The following SPTBN2 variants were observed in gnomAD, a reference collection of about 807,000 sequenced individuals.
SPTBN2 encodes the protein spectrin beta, non-erythrocytic 2.
Under a neutral mutation model 284.2 loss-of-function variants are expected in SPTBN2, and 107 were observed. That is an observed-to-expected ratio of 0.38 (90% CI 0.32 to 0.44). The LOEUF is 0.44. Among genes scored for constraint, SPTBN2 ranks in the 20% least tolerant of loss-of-function variants. The probability of loss-of-function intolerance (pLI) is 1.00; values close to 1 mark genes in which losing one functional copy is unlikely to be tolerated. For missense variants in SPTBN2, 2,569 were observed against 3,287.1 expected, an observed-to-expected ratio of 0.78 and a Z score of 5.34; for synonymous variants, 1,289 against 1,354.8, an observed-to-expected ratio of 0.95 and a Z score of 1.07.
At position 66,704,799 on chromosome 11, in the gene SPTBN2, C is replaced by T. The variant is rs1205934871; in HGVS notation, c.2477G>A (p.Arg826Gln). 3.1e-6 allele frequency: 5 copies of T among 1,604,432 alleles called. No individual in the cohort carries two copies. The African/African-American group carries it at 4.0e-5, about 13-fold the overall frequency. Residue 826 changes from arginine (R) to glutamine (Q), a missense_variant, in exon 15 of 38, where the codon CGG becomes CAG. Physicochemically the swap from Arg to Gln is conservative, Grantham distance 43. Transcript: ENST00000533211. ...TLSRTPEVQSRVPTLERHYEE... is the reference protein window; with the variant it reads ...TLSRTPEVQSQVPTLERHYEE... Reference sequence around the variant, plus strand: ...GTAGTGCCGCTCCAGGGTGGGCACCCGGCTCTGCACCTCGGGCGTGCGGCT... The same window carrying T: ...GTAGTGCCGCTCCAGGGTGGGCACCTGGCTCTGCACCTCGGGCGTGCGGCT...
At chr11:66,702,144 G>A (rs1941279057) in intron 15 of SPTBN2, among the ~76,000 whole-genome samples, 1 of 152,216 alleles carries the variant, frequency 6.6e-6, no homozygotes, top group South Asian at 2.1e-4. Flanking sequence ...ATGAAAATGT[G>A]AAGGATAACT....
At chr11:66,694,015 G>T (rs1940744625) in intron 22 of SPTBN2, 124 bp downstream of exon 22, 2 of 1,360,176 alleles carry the variant, frequency 1.5e-6, no homozygotes, top group African/African-American at 1.4e-5. Flanking sequence ...CCCTATAGGG[G>T]AGATGGTCAA....
At chr11:66,717,786 T>C (rs1942213648) in intron 3 of SPTBN2, among the ~76,000 whole-genome samples, 1 of 152,070 alleles carries the variant, frequency 6.6e-6, no homozygotes, top group Non-Finnish European at 1.5e-5. Context: ...AGAAACCAAG[T>C]GTCACGTCAC....
rs1414534070 is a variant in SPTBN2 at position 66,708,306 on chromosome 11, G to A, written c.1192-7C>T. 3 of 1,583,424 alleles carry A rather than the reference G, an allele frequency of 1.9e-6. No individual in the cohort carries two copies. The highest frequency in any genetic ancestry group is 2.6e-6 in the Non-Finnish European group (3 of 1,161,058). The stretch of plus-strand genomic sequence containing the variant: ...TCTCCAGCCGCTCCCAAGCCTATGG[G>A]GTGGGGACAGGGTTAGTGGAAGGGA... On this transcript the variant is annotated splice_polypyrimidine_tract_variant and splice_region_variant and intron_variant, in intron 11 of 37. Transcript: ENST00000533211. This position sits in a 1 kb window ranked among gnomAD's most constrained non-coding sequence, Gnocchi z 4.4.
Position 66,687,240 on chromosome 11 carries a change from G to A in SPTBN2, c.6723-73C>T. 1.3e-6 allele frequency: 2 copies of A among 1,596,408 alleles called. No individual in the cohort carries two copies. The highest frequency in any genetic ancestry group is 1.7e-6 in the Non-Finnish European group (2 of 1,174,780). Reference sequence around the variant, plus strand: ...CCTGGAGCCCTCTTGGGTGTCCTAGGACTTCCAGTTCTGCTCCCATCTTTA... The same window carrying A: ...CCTGGAGCCCTCTTGGGTGTCCTAGAACTTCCAGTTCTGCTCCCATCTTTA... On this transcript the variant is annotated intron_variant, in intron 35 of 37. Coordinates refer to ENST00000533211, the MANE Select transcript of SPTBN2 (RefSeq NM_006946.4). This position sits in a 1 kb window ranked among gnomAD's most constrained non-coding sequence, Gnocchi z 5.2.
At chr11:66,728,334 G>C (rs1219947356) in intron 1 of SPTBN2, 1 of 145,504 alleles carries the variant, frequency 6.9e-6, no homozygotes, top group Non-Finnish European at 1.5e-5. Flanking sequence ...CGCGCGGGGC[G>C]GGCGGCGGCG....
intron 6 of SPTBN2, 46 bp from the exon 7 acceptor site, chr11:66,714,217 T>A (rs1942029679): frequency 6.2e-7 from 1 of 1,610,432 alleles, no homozygotes; most frequent in African/African-American, 1.3e-5. Flanking sequence ...TGAGCTCTGT[T>A]CTATGACTCC....
chr11:66,697,837 C>T (rs753096158), intron 20 of SPTBN2, among the ~76,000 whole-genome samples: 5 of 152,266 alleles, frequency 3.3e-5, no homozygotes, highest in Middle Eastern at 3.4e-3. Context: ...TCGGACCCCA[C>T]GCAGGGCCTA....
upstream of SPTBN2, among the ~76,000 whole-genome samples, chr11:66,732,758 G>A (rs189923541): frequency 0.012 from 1,781 of 151,310 alleles, 32 homozygotes; most frequent in Middle Eastern, 0.031. Context: ...CTGAGGTCAG[G>A]AGTTCGAGAC....
chr11:66,708,685 G>A lies in SPTBN2; in HGVS notation c.1191+217C>T, dbSNP rs1422505307. 1.3e-5 allele frequency among the ~76,000 whole-genome samples: 2 copies of A among 152,216 alleles called. No individual in the cohort carries two copies. The highest frequency in any genetic ancestry group is 2.9e-5 in the Non-Finnish European group (2 of 68,032). ...ATTTCCTTATGTGACCTCGTATGGA[G>A]AGTCAGACAAAGGGACAGGGAGCCG... On this transcript the variant is annotated intron_variant, in intron 11 of 37. Transcript: ENST00000533211. This position sits in a 1 kb window ranked among gnomAD's most constrained non-coding sequence, Gnocchi z 4.4.
At chr11:66,731,186 G>A (rs997088462), upstream of SPTBN2, among the ~76,000 whole-genome samples, 8 of 152,248 alleles carry the variant, frequency 5.3e-5, no homozygotes, top group African/African-American at 1.2e-4. Flanking sequence ...TGATTTTACC[G>A]TATTATTTCC....
In SPTBN2 at chr11:66,690,246, T is replaced by C; in HGVS notation, c.5603A>G (p.Lys1868Arg). The C allele has an allele frequency of 6.2e-7, 1 of 1,612,258 alleles. No homozygotes were observed. The highest frequency in any genetic ancestry group is 8.5e-7 in the Non-Finnish European group (1 of 1,179,068). Residue 1868 changes from lysine (K) to arginine (R), a missense_variant, in exon 28 of 38, where the codon AAG becomes AGG. Lys to Arg is a conservative substitution (Grantham distance 26). Transcript: ENST00000533211. ...QVQDDGHRLQ[K>R]AYAGDKAEEI... Reference sequence around the variant, plus strand: ...CTCAGCCTTGTCTCCAGCGTAGGCCTTCTGGAGCCGGTGGCCGTCGTCCTG... The same window carrying C: ...CTCAGCCTTGTCTCCAGCGTAGGCCCTCTGGAGCCGGTGGCCGTCGTCCTG...
chr11:66,706,573 C>A lies in SPTBN2; in HGVS notation c.1654-736G>T, dbSNP rs544395563. Among the ~76,000 whole-genome samples, 12 of 140,910 alleles carry A rather than the reference C, an allele frequency of 8.5e-5. 1 individual carries two copies. The South Asian group carries it at 2.0e-3, about 24-fold the overall frequency. The allele number at this position is 140,910 out of a possible 152,430, so 92.4% of individuals were successfully genotyped here. A position where few individuals can be genotyped will look rare whatever the true frequency, so the allele number is the denominator to read the frequency against. On this transcript the variant is annotated intron_variant, in intron 13 of 37. Transcript: ENST00000533211. ...CTTGGACTCCTGACCTCAGGTGATC[C>A]GCCCGCCTCGGCCTCCCAAAGTCTT...
chr11:66,701,738 G>C lies in SPTBN2; in HGVS notation c.2679-17C>G. 1 of 1,614,046 alleles carries C rather than the reference G, an allele frequency of 6.2e-7. No individual in the cohort carries two copies. Among genetic ancestry groups the C allele is most frequent in the South Asian group, 1.1e-5 (1 of 91,062 alleles). On this transcript the variant is annotated splice_polypyrimidine_tract_variant and intron_variant, in intron 15 of 37. Coordinates refer to ENST00000533211, the MANE Select transcript of SPTBN2 (RefSeq NM_006946.4). ...GTCTCGAACCTGAGAGGGTGGAAGAGCCAGGCGTGAATTGTGGGAGGCAGC... is the reference window on the plus strand; with the variant it reads ...GTCTCGAACCTGAGAGGGTGGAAGACCCAGGCGTGAATTGTGGGAGGCAGC...
upstream of SPTBN2, among the ~76,000 whole-genome samples, chr11:66,730,413 C>T (rs1212795911): frequency 3.3e-5 from 5 of 152,128 alleles, no homozygotes; most frequent in South Asian, 2.1e-4. Flanking sequence ...GAAACCCCTT[C>T]TCTACTAAAA....
chr11:66,704,750 G>A lies in SPTBN2; in HGVS notation c.2526C>T (p.Gly842=), dbSNP rs144939155. The change falls in exon 15 of 38, where the codon GGC becomes GGT. Residue 842 remains glycine, a synonymous_variant. Transcript: ENST00000533211. ...CTGCCTCCAAGGCCCGCGCTCGCTC[G>A]CCTGCCCGGGCCTGCAGCTCCTCGT... ...RHYEELQARA[G]ERARALEAAL... The A allele has an allele frequency of 2.3e-3, 3,638 of 1,602,434 alleles. 10 individuals carry two copies. Among genetic ancestry groups the A allele is most frequent in the Non-Finnish European group, 2.5e-3 (2,940 of 1,176,402 alleles).
In SPTBN2 at chr11:66,700,658, C is replaced by T. The variant is rs1434704342; in HGVS notation, c.3441G>A (p.Leu1147=). Reference sequence around the variant, plus strand: ...CCTCCCAGCCAGTTCCCAGGGCCTCCAGTCGCTGTCGTAGGAAGAGGCACT... The same window carrying T: ...CCTCCCAGCCAGTTCCCAGGGCCTCTAGTCGCTGTCGTAGGAAGAGGCACT... ...DPQCLFLRQR[L]EALGTGWEEL... is the part of the protein sequence containing the mutation. The change falls in exon 17 of 38, where the codon CTG becomes CTA. Residue 1147 remains leucine (L), a synonymous_variant. Coordinates refer to ENST00000533211, the MANE Select transcript of SPTBN2 (RefSeq NM_006946.4). The surrounding 1 kb of genome is among the most constrained non-coding windows in gnomAD (Gnocchi z 6.6). 6.2e-7 allele frequency: 1 copy of T among 1,607,640 alleles called. No individual in the cohort carries two copies. Among genetic ancestry groups the T allele is most frequent in the Non-Finnish European group, 8.5e-7 (1 of 1,179,934 alleles).
At chr11:66,727,111 C>T (rs1157288410) in intron 1 of SPTBN2, among the ~76,000 whole-genome samples, 1 of 152,196 alleles carries the variant, frequency 6.6e-6, no homozygotes, top group African/African-American at 2.4e-5. Context: ...TCTCCCTTCC[C>T]CAACCCGGGG....
In SPTBN2 at chr11:66,710,718, G is replaced by A; in HGVS notation, c.937C>T (p.Leu313=). 6.2e-7 allele frequency: 1 copy of A among 1,614,178 alleles called. No individual in the cohort carries two copies. Among genetic ancestry groups the A allele is most frequent in the Non-Finnish European group, 8.5e-7 (1 of 1,180,028 alleles). The change falls in exon 10 of 38, where the codon CTG becomes TTG. Residue 313 remains leucine (L), a synonymous_variant. Coordinates refer to ENST00000533211, the MANE Select transcript of SPTBN2 (RefSeq NM_006946.4). This position sits in a 1 kb window ranked among gnomAD's most constrained non-coding sequence, Gnocchi z 4.9. ...AERLVEKYES[L]ASELLQWIEQ... ...ATCCACTGCAGCAGCTCCGAGGCCAGGGACTCGTATTTCTCCACCAGGCGC... is the reference window on the plus strand; with the variant it reads ...ATCCACTGCAGCAGCTCCGAGGCCAAGGACTCGTATTTCTCCACCAGGCGC...
Sources: allele counts gnomAD v4.1 joint callset (sites outside exome capture counted in the v4.1 genomes callset), GRCh38; gene constraint gnomAD v4.1.1; non-coding constraint Gnocchi (gnomAD v3.1); transcripts MANE v1.5; gene names NCBI Gene and HGNC (gene_info 2026-07-23, HGNC 2026-07-21).